The following P3H2 variants were observed in gnomAD, a reference collection of about 807,000 sequenced individuals.
P3H2 encodes prolyl 3-hydroxylase 2.
In P3H2, 80 loss-of-function variants were observed where a neutral mutation model predicts 87.0. That is an observed-to-expected ratio of 0.92 (90% CI 0.77 to 1.11). P3H2 has a LOEUF of 1.11. Among genes scored for constraint, P3H2 ranks in the 50% least tolerant of loss-of-function variants. The pLI is 0.00. For missense variants in P3H2, 1,001 were observed against 923.9 expected (o/e 1.08, Z -1.08); for synonymous variants, 367 against 359.3 (o/e 1.02, Z -0.24).
intron 1 of P3H2, among the ~76,000 whole-genome samples, chr3:190,025,147 T>C (rs1725049235): frequency 6.6e-6 from 1 of 152,090 alleles, no homozygotes; most frequent in Admixed American, 6.5e-5. Context: ...CATTTCCTCA[T>C]CTGAATTTTT....
At chr3:190,085,009 T>C (rs1727166576) in intron 1 of P3H2, among the ~76,000 whole-genome samples, 2 of 151,690 alleles carry the variant, frequency 1.3e-5, no homozygotes, top group Non-Finnish European at 2.9e-5. Flanking sequence ...AAATTTAAGA[T>C]GGTGTTCATC....
Position 189,964,103 on chromosome 3 carries a change from G to C in P3H2, c.1894-5C>G, listed in dbSNP as rs1292995226. 2 of 1,613,460 alleles carry C rather than the reference G, an allele frequency of 1.2e-6. No homozygotes were observed. The highest frequency in any genetic ancestry group is 8.5e-7 in the Non-Finnish European group (1 of 1,179,552). Reference sequence around the variant, plus strand: ...ACATTTTGGTTTTATAGAGGCCTGAGAAAGAAAGCAAAAATTAGACTTTCA... The same window carrying C: ...ACATTTTGGTTTTATAGAGGCCTGACAAAGAAAGCAAAAATTAGACTTTCA... On this transcript the variant is annotated splice_polypyrimidine_tract_variant and splice_region_variant and intron_variant, in intron 13 of 14. Coordinates refer to ENST00000319332, the MANE Select transcript of P3H2 (RefSeq NM_018192.4).
chr3:190,092,358 T>C (rs1727435237), intron 1 of P3H2, among the ~76,000 whole-genome samples: 1 of 152,164 alleles, frequency 6.6e-6, no homozygotes, highest in Non-Finnish European at 1.5e-5. Context: ...ATAACCCCAA[T>C]GCCATGAGTC....
At chr3:190,027,247 C>T (rs374278521) in intron 1 of P3H2, among the ~76,000 whole-genome samples, 15 of 152,330 alleles carry the variant, frequency 9.8e-5, no homozygotes, top group African/African-American at 3.4e-4. Flanking sequence ...CGCCACTTAG[C>T]TCTGGACAGA....
Position 189,988,976 on chromosome 3 carries a change from C to G in P3H2, c.886G>C (p.Gly296Arg), listed in dbSNP as rs774186462. Residue 296 changes from glycine to arginine, a missense_variant, in exon 4 of 15, where the codon GGC becomes CGC. Coordinates refer to ENST00000319332, the MANE Select transcript of P3H2 (RefSeq NM_018192.4). ...ECVRELATRP[G>R]RLSPIENFLP... ...AAATTCTCGATGGGAGAGAGGCGGC[C>G]AGGGCGGGTGGCAAGTTCCCTCACA... 4 of 1,614,012 alleles carry G rather than the reference C, an allele frequency of 2.5e-6. No individual in the cohort carries two copies. Among genetic ancestry groups the G allele is most frequent in the Non-Finnish European group, 3.4e-6 (4 of 1,179,996 alleles).
At chr3:189,961,343 G>T (rs552433252) in intron 14 of P3H2, among the ~76,000 whole-genome samples, 1 of 152,302 alleles carries the variant, frequency 6.6e-6, no homozygotes, top group African/African-American at 2.4e-5. Context: ...TTAAGGGAAA[G>T]AAATTCAAGA....
intron 1 of P3H2, among the ~76,000 whole-genome samples, chr3:189,996,757 T>C (rs1724063752): frequency 6.6e-6 from 1 of 152,058 alleles, no homozygotes; most frequent in Admixed American, 6.5e-5. Context: ...CAATTAAAAA[T>C]AAGACAAAAC....
At chr3:190,018,001 T>C (rs1012309652) in intron 1 of P3H2, among the ~76,000 whole-genome samples, 7 of 152,204 alleles carry the variant, frequency 4.6e-5, no homozygotes, top group African/African-American at 1.7e-4. Context: ...ATTACCCTTC[T>C]CATGAATTGT....
chr3:189,996,290 G>A (rs1724050607), intron 1 of P3H2, among the ~76,000 whole-genome samples: 1 of 152,104 alleles, frequency 6.6e-6, no homozygotes, highest in African/African-American at 2.4e-5. Flanking sequence ...AAAAAATAAT[G>A]AAATCCCATC....
chr3:189,986,853 G>T lies in P3H2; in HGVS notation c.1123C>A (p.His375Asn). ...REDLTMFVKR[H>N]KLESELIKSA... ...TTTATCAGCTCAGACTCCAGCTTATGACGTTTCACAAACATTGTTAAATCC... is the reference window on the plus strand; with the variant it reads ...TTTATCAGCTCAGACTCCAGCTTATTACGTTTCACAAACATTGTTAAATCC... The change falls in exon 6 of 15, where the codon CAT becomes AAT. Residue 375 changes from histidine to asparagine, a missense_variant. Coordinates refer to ENST00000319332, the MANE Select transcript of P3H2 (RefSeq NM_018192.4). 1 of 1,612,640 alleles carries T rather than the reference G, an allele frequency of 6.2e-7. No homozygotes were observed. Among genetic ancestry groups the T allele is most frequent in the South Asian group, 1.1e-5 (1 of 91,036 alleles).
At chr3:190,053,175 T>C (rs1037425278) in intron 1 of P3H2, among the ~76,000 whole-genome samples, 1 of 152,192 alleles carries the variant, frequency 6.6e-6, no homozygotes, top group African/African-American at 2.4e-5. Flanking sequence ...TTTCCAATTT[T>C]TAGCTATCAC....
At chr3:190,034,236 A>T (rs61368790) in intron 1 of P3H2, among the ~76,000 whole-genome samples, 86,710 of 151,540 alleles carry the variant, frequency 0.57, 26,930 homozygotes, top group South Asian at 0.71. Flanking sequence ...TGTTCCTCAT[A>T]AACTCTGTCA....
rs1222453436 is a variant in P3H2, at chr3:190,120,672, C to A, written c.60G>T (p.Pro20=). Reference sequence around the variant, plus strand: ...TGTCCGGGGGGCCGCCCCACAGTGGCGGCGGCAGTAGCAGCGGCAGCAGCA... The same window carrying A: ...TGTCCGGGGGGCCGCCCCACAGTGGAGGCGGCAGTAGCAGCGGCAGCAGCA... ...LLLLLPLLLP[P]PLWGGPPDSP... Residue 20 remains proline, a synonymous_variant, in exon 1 of 15, where the codon CCG becomes CCT. Transcript: ENST00000319332. 4 of 1,523,160 alleles carry A rather than the reference C, an allele frequency of 2.6e-6. No individual in the cohort carries two copies. The highest frequency in any genetic ancestry group is 3.5e-6 in the Non-Finnish European group (4 of 1,142,142). The allele number at this position is 1,523,160 out of a possible 1,614,324, so 94.4% of individuals were successfully genotyped here.
At chr3:190,011,665 G>T (rs1157833455) in intron 1 of P3H2, among the ~76,000 whole-genome samples, 3 of 152,150 alleles carry the variant, frequency 2.0e-5, no homozygotes, top group African/African-American at 7.2e-5. Flanking sequence ...TCGTCAAGCA[G>T]ATTTTTTAAG....
At chr3:190,008,079 T>C (rs1405148017) in intron 1 of P3H2, among the ~76,000 whole-genome samples, 1 of 151,502 alleles carries the variant, frequency 6.6e-6, no homozygotes, top group Non-Finnish European at 1.5e-5. Flanking sequence ...AAATAGCTCT[T>C]CATCTGCTGT....
At position 189,973,037 on chromosome 3, in the gene P3H2, A is replaced by AC. The variant is rs200458285; in HGVS notation, c.1549-14_1549-13insG. The AC allele has an allele frequency of 0.21, 338,522 of 1,599,432 alleles. 29,702 individuals carry two copies. Among genetic ancestry groups the AC allele is most frequent in the Admixed American group, 0.31 (18,253 of 58,404 alleles). ...CTTCATAACCAGACTGAAAAAAAAAAACAAAACATGAGAAACAAATGGGTT... is the reference window on the plus strand; with the variant it reads ...CTTCATAACCAGACTGAAAAAAAAAACACAAAACATGAGAAACAAATGGGTT... On this transcript the variant is annotated splice_polypyrimidine_tract_variant and intron_variant, in intron 10 of 14. Coordinates refer to ENST00000319332, the MANE Select transcript of P3H2 (RefSeq NM_018192.4).
intron 13 of P3H2, among the ~76,000 whole-genome samples, chr3:189,970,302 A>G (rs972665664): frequency 7.1e-6 from 1 of 141,638 alleles, no homozygotes; most frequent in East Asian, 2.0e-4. Context: ...TATATTTTTT[A>G]TATATATAAT....
At chr3:190,038,486 G>GAA (rs57971408) in intron 1 of P3H2, among the ~76,000 whole-genome samples, 26 of 92,594 alleles carry the variant, frequency 2.8e-4, no homozygotes, top group South Asian at 4.0e-4. Context: ...ACTGCAGAAT[G>GAA]AAAAAAAAAA....
At position 189,958,019 on chromosome 3, in the gene P3H2, A is replaced by G; in HGVS notation, c.2035-15T>C. On this transcript the variant is annotated splice_polypyrimidine_tract_variant and intron_variant, in intron 14 of 14. Coordinates refer to ENST00000319332, the MANE Select transcript of P3H2 (RefSeq NM_018192.4). Reference sequence around the variant, plus strand: ...TGTATTCGCTCCTGCAAAAAAGACAATTTACACATTTCTGTTACAAGCATA... The same window carrying G: ...TGTATTCGCTCCTGCAAAAAAGACAGTTTACACATTTCTGTTACAAGCATA... The G allele has an allele frequency of 3.2e-6, 5 of 1,581,648 alleles. No homozygotes were observed. Among genetic ancestry groups the G allele is most frequent in the Non-Finnish European group, 3.5e-6 (4 of 1,150,424 alleles).
Sources: allele counts gnomAD v4.1 joint callset (sites outside exome capture counted in the v4.1 genomes callset), GRCh38; gene constraint gnomAD v4.1.1; transcripts MANE v1.5; gene names NCBI Gene and HGNC (gene_info 2026-07-23, HGNC 2026-07-21).